PDE1C: variants seen among roughly 807,000 people sequenced by gnomAD.
PDE1C encodes the protein dual specificity calcium/calmodulin-dependent 3',5'-cyclic nucleotide phosphodiesterase 1C.
In PDE1C, 62 loss-of-function variants were observed where a neutral mutation model predicts 93.1. The observed-to-expected ratio is 0.67, with a 90% CI of 0.54 to 0.82. The LOEUF (loss-of-function observed/expected upper bound fraction) is 0.82, where lower values mean the gene tolerates loss of function less well. PDE1C is among the 40% of genes least tolerant of loss of function. The probability of loss-of-function intolerance (pLI) is 0.00; values close to 1 mark genes in which losing one functional copy is unlikely to be tolerated. For missense variants in PDE1C, 742 were observed against 884.6 expected (o/e 0.84, Z 2.04); for synonymous variants, 325 against 310.1 (o/e 1.05, Z -0.50).
chr7:32,168,372 T>C (rs1802433644), intron 3 of PDE1C, among the ~76,000 whole-genome samples: 1 of 152,180 alleles, frequency 6.6e-6, no homozygotes, highest in Non-Finnish European at 1.5e-5. Context: ...AAACAGATGA[T>C]GGTAATGGAG....
At chr7:31,741,815 G>T in the PDE1C span, among the ~76,000 whole-genome samples, 1 of 152,324 alleles carries the variant, frequency 6.6e-6, no homozygotes, top group Admixed American at 6.5e-5. Context: ...GGTGGAAAAT[G>T]GCTGTGGCTG....
the PDE1C span, chr7:31,696,957 C>T: frequency 6.2e-7 from 1 of 1,613,420 alleles, no homozygotes; most frequent in Non-Finnish European, 8.5e-7. Flanking sequence ...GTTCCCCTAA[C>T]CATGCAGGTG....
the PDE1C span, among the ~76,000 whole-genome samples, chr7:31,703,474 C>T: frequency 3.3e-5 from 5 of 152,184 alleles, no homozygotes; most frequent in African/African-American, 9.6e-5. Flanking sequence ...TAACCATAGC[C>T]TCTGTATGCA....
intron 2 of PDE1C, among the ~76,000 whole-genome samples, chr7:32,193,918 T>TTC (rs1804415828): frequency 7.7e-6 from 1 of 129,584 alleles, no homozygotes; most frequent in African/African-American, 3.2e-5. Flanking sequence ...TTTGTTTTGT[T>TTC]TTTTTTTTTT....
chr7:31,984,490 G>C (rs1305729283), intron 2 of PDE1C, among the ~76,000 whole-genome samples: 2 of 152,138 alleles, frequency 1.3e-5, no homozygotes, highest in Non-Finnish European at 2.9e-5. Context: ...GTCGCTCCTT[G>C]TTTTCTCTTT....
intron 1 of PDE1C, among the ~76,000 whole-genome samples, chr7:32,294,607 A>T (rs1812524581): frequency 6.6e-6 from 1 of 152,198 alleles, no homozygotes; most frequent in Non-Finnish European, 1.5e-5. Flanking sequence ...GCAGACATAC[A>T]TCACTTTGAG....
chr7:32,031,251 G>A (rs919178742), intron 2 of PDE1C, among the ~76,000 whole-genome samples: 1 of 152,136 alleles, frequency 6.6e-6, no homozygotes, highest in South Asian at 2.1e-4. Flanking sequence ...ATCCAAAAGA[G>A]AGTATAATTT....
chr7:31,950,486 A>G (rs1807216952), intron 2 of PDE1C, among the ~76,000 whole-genome samples: 1 of 152,184 alleles, frequency 6.6e-6, no homozygotes, highest in South Asian at 2.1e-4. Flanking sequence ...AGTAGGACAG[A>G]ACTAAAATAG....
At chr7:32,420,598 C>A (rs1057412073) in intron 1 of PDE1C, among the ~76,000 whole-genome samples, 5 of 150,234 alleles carry the variant, frequency 3.3e-5, no homozygotes, top group Non-Finnish European at 7.4e-5. Flanking sequence ...GTCTTAGCTA[C>A]CTCAAAGGTT....
chr7:32,205,697 T>G (rs1172315754), intron 2 of PDE1C, among the ~76,000 whole-genome samples: 1 of 152,176 alleles, frequency 6.6e-6, no homozygotes, highest in Non-Finnish European at 1.5e-5. Flanking sequence ...GCTTTTTAGG[T>G]CTGCACTACC....
At chr7:32,048,103 T>C (rs1318355422) in intron 2 of PDE1C, among the ~76,000 whole-genome samples, 1 of 152,186 alleles carries the variant, frequency 6.6e-6, no homozygotes, top group Non-Finnish European at 1.5e-5. Context: ...TAAAATTGTC[T>C]ACCATTCATC....
chr7:31,941,853 TC>T, intron 2 of PDE1C, among the ~76,000 whole-genome samples: 1 of 152,322 alleles, frequency 6.6e-6, no homozygotes, highest in South Asian at 2.1e-4. Flanking sequence ...CCTATGCTGG[TC>T]AAACAAGATA....
chr7:32,345,854 T>A (rs552312238), intron 1 of PDE1C, among the ~76,000 whole-genome samples: 12 of 152,284 alleles, frequency 7.9e-5, no homozygotes, highest in Non-Finnish European at 1.5e-4. Flanking sequence ...TAACAAGAAT[T>A]GGTGAGGATG....
chr7:32,266,975 A>T (rs1810621911), intron 1 of PDE1C, among the ~76,000 whole-genome samples: 1 of 152,208 alleles, frequency 6.6e-6, no homozygotes, highest in Non-Finnish European at 1.5e-5. Flanking sequence ...GAAGCCCCCT[A>T]GACCACCCGG....
intron 2 of PDE1C, among the ~76,000 whole-genome samples, chr7:31,963,572 C>T (rs1432810006): frequency 1.3e-5 from 2 of 152,068 alleles, no homozygotes; most frequent in African/African-American, 4.8e-5. Context: ...CATATTATTG[C>T]TTGTATATTT....
At chr7:32,243,271 C>G (rs915359148) in intron 1 of PDE1C, among the ~76,000 whole-genome samples, 3 of 152,144 alleles carry the variant, frequency 2.0e-5, no homozygotes, top group Non-Finnish European at 2.9e-5. Context: ...CCCTCCATAA[C>G]TAGGGGGTTT....
chr7:32,306,609 T>C (rs926426463), intron 1 of PDE1C, among the ~76,000 whole-genome samples: 1 of 152,224 alleles, frequency 6.6e-6, no homozygotes, highest in South Asian at 2.1e-4. Context: ...CAAAGAGATC[T>C]TTTTAAATAA....
the PDE1C span, among the ~76,000 whole-genome samples, chr7:31,647,698 A>G: frequency 4.7e-3 from 235 of 49,828 alleles, no homozygotes; most frequent in African/African-American, 0.016. Context: ...AAAAAAAAGA[A>G]GAGGAAGAAG....
chr7:32,378,470 C>T (rs1030979056), intron 1 of PDE1C, among the ~76,000 whole-genome samples: 1 of 152,098 alleles, frequency 6.6e-6, no homozygotes, highest in Admixed American at 6.6e-5. Flanking sequence ...TAATGAGAGA[C>T]CACCAGGCTA....
Sources: allele counts gnomAD v4.1 joint callset (sites outside exome capture counted in the v4.1 genomes callset), GRCh38; gene constraint gnomAD v4.1.1; transcripts MANE v1.5; gene names NCBI Gene and HGNC (gene_info 2026-07-23, HGNC 2026-07-21).